Variants in ARHGAP32 observed in about 807,000 individuals in gnomAD.
The protein encoded by ARHGAP32 is rho GTPase-activating protein 32.
A neutral mutation model predicts 186.5 loss-of-function variants in ARHGAP32; 51 were observed. The ratio of observed to expected loss-of-function variants is 0.27; its 90% CI spans 0.22 to 0.35. The LOEUF is 0.35. Ranked by LOEUF, ARHGAP32 falls within the 10% of genes least tolerant of loss-of-function variation. The pLI is 1.00. For synonymous variants in ARHGAP32, 950 were observed against 964.3 expected, an observed-to-expected ratio of 0.99 and a Z score of 0.27; for missense variants, 2,186 against 2,623.5, an observed-to-expected ratio of 0.83 and a Z score of 3.64.
intron 2 of ARHGAP32, among the ~76,000 whole-genome samples, chr11:129,139,677 C>T (rs1055504808): frequency 6.6e-6 from 1 of 152,142 alleles, no homozygotes; most frequent in African/African-American, 2.4e-5. Flanking sequence ...TCTTTGCCTG[C>T]CGCCATCCAT....
At chr11:129,166,182 A>C (rs994341594) in intron 1 of ARHGAP32, among the ~76,000 whole-genome samples, 5 of 152,094 alleles carry the variant, frequency 3.3e-5, no homozygotes, top group African/African-American at 1.2e-4. Context: ...AGTAGAAAAT[A>C]TCCACATTGA....
chr11:129,205,128 A>C (rs1342638266), intron 1 of ARHGAP32, among the ~76,000 whole-genome samples: 1 of 152,186 alleles, frequency 6.6e-6, no homozygotes, highest in African/African-American at 2.4e-5. Flanking sequence ...TGAATGATGC[A>C]TAAATTAGGA....
intron 5 of ARHGAP32, among the ~76,000 whole-genome samples, chr11:129,107,500 T>C (rs1476503009): frequency 6.6e-6 from 1 of 152,242 alleles, no homozygotes; most frequent in African/African-American, 2.4e-5. Flanking sequence ...TAAATGTATG[T>C]TATTGGGCAC....
At chr11:128,979,840 G>A (rs900185643) in intron 18 of ARHGAP32, among the ~76,000 whole-genome samples, 3 of 152,170 alleles carry the variant, frequency 2.0e-5, no homozygotes, top group African/African-American at 7.2e-5. Context: ...ACATACATTA[G>A]TCTTCCTACT....
intron 1 of ARHGAP32, among the ~76,000 whole-genome samples, chr11:129,222,438 G>T (rs1338594241): frequency 6.6e-6 from 1 of 152,096 alleles, no homozygotes; most frequent in Non-Finnish European, 1.5e-5. Flanking sequence ...CAAAAGCTAT[G>T]CCCTGCTACA....
chr11:129,057,432 C>T (rs1010284708), intron 10 of ARHGAP32, among the ~76,000 whole-genome samples: 3 of 152,104 alleles, frequency 2.0e-5, no homozygotes, highest in Non-Finnish European at 4.4e-5. Flanking sequence ...GGTGGCTCAA[C>T]CAGCTTCTCC....
intron 11 of ARHGAP32, among the ~76,000 whole-genome samples, chr11:129,013,448 T>C (rs746647277): frequency 2.2e-4 from 34 of 152,338 alleles, no homozygotes; most frequent in African/African-American, 6.7e-4. Flanking sequence ...AGTCATAAAG[T>C]CTTACGTGAT....
chr11:129,090,498 C>CA (rs1490937400), intron 6 of ARHGAP32, among the ~76,000 whole-genome samples: 12 of 152,044 alleles, frequency 7.9e-5, no homozygotes. Flanking sequence ...GAATAGGAAC[C>CA]ATTAATATCA....
At chr11:129,017,221 C>T (rs551366937) in intron 11 of ARHGAP32, among the ~76,000 whole-genome samples, 1 of 152,044 alleles carries the variant, frequency 6.6e-6, no homozygotes, top group South Asian at 2.1e-4. Flanking sequence ...TTTGGGAGGC[C>T]AAGGCGGGCA....
At chr11:129,263,993 T>C (rs1319884607) in intron 1 of ARHGAP32, among the ~76,000 whole-genome samples, 2 of 152,132 alleles carry the variant, frequency 1.3e-5, no homozygotes, top group African/African-American at 4.8e-5. Flanking sequence ...AACTCAAGCA[T>C]CCACTGACAA....
At chr11:128,988,978 T>C (rs1015936119) in intron 12 of ARHGAP32, among the ~76,000 whole-genome samples, 1 of 152,234 alleles carries the variant, frequency 6.6e-6, no homozygotes, top group African/African-American at 2.4e-5. Context: ...ATAGGGTTAA[T>C]TAAAATCCTT....
intron 10 of ARHGAP32, among the ~76,000 whole-genome samples, chr11:129,055,028 T>C (rs770903696): frequency 2.6e-5 from 4 of 152,182 alleles, no homozygotes; most frequent in African/African-American, 4.8e-5. Context: ...TGGACCAAAA[T>C]AGTCTTAGAT....
intron 12 of ARHGAP32, among the ~76,000 whole-genome samples, chr11:128,994,357 A>G (rs573495218): frequency 1.1e-4 from 16 of 151,504 alleles, no homozygotes; most frequent in Admixed American, 9.9e-4. Context: ...GTTTCACCAT[A>G]TTGGGCAGGC....
chr11:129,245,102 T>G (rs1247673219), intron 1 of ARHGAP32, among the ~76,000 whole-genome samples: 5 of 150,750 alleles, frequency 3.3e-5, no homozygotes, highest in African/African-American at 4.9e-5. Flanking sequence ...TTACTGGGTA[T>G]ATACCCAAAG....
At position 129,263,320 on chromosome 11, in the gene ARHGAP32, G is replaced by T. The variant is rs1214400546; in HGVS notation, c.-5+15826C>A. ...ATCCACAGAATGGGAGAAAGTATTT[G>T]AAATTTTATACCTGTTAAAAGGACT... On this transcript the variant is annotated intron_variant, in intron 1 of 6. Coordinates refer to the ARHGAP32 transcript ENST00000525234. 2.6e-5 allele frequency among the ~76,000 whole-genome samples: 4 copies of T among 152,094 alleles called. No individual in the cohort carries two copies. In the East Asian group the frequency reaches 7.7e-4, roughly 29 times the overall value.
At chr11:129,087,488 T>C (rs1941441873) in intron 6 of ARHGAP32, among the ~76,000 whole-genome samples, 1 of 152,138 alleles carries the variant, frequency 6.6e-6, no homozygotes, top group African/African-American at 2.4e-5. Context: ...AAGAAGCCAA[T>C]CCAAATGGCT....
intron 1 of ARHGAP32, among the ~76,000 whole-genome samples, chr11:129,214,891 A>T (rs1445779942): frequency 6.6e-6 from 1 of 152,228 alleles, no homozygotes; most frequent in Non-Finnish European, 1.5e-5. Flanking sequence ...CACAGACAAT[A>T]GCAAATGCAT....
chr11:129,173,767 A>G (rs1018457565), intron 1 of ARHGAP32, among the ~76,000 whole-genome samples: 4 of 152,256 alleles, frequency 2.6e-5, no homozygotes, highest in Non-Finnish European at 4.4e-5. Context: ...AATTATTGAA[A>G]AACACAAATA....
At chr11:129,257,743 C>T (rs1375061232) in intron 1 of ARHGAP32, among the ~76,000 whole-genome samples, 1 of 140,468 alleles carries the variant, frequency 7.1e-6, no homozygotes, top group Non-Finnish European at 1.5e-5. Flanking sequence ...AAATCCTAAA[C>T]AGAGTACTTA....
Sources: gnomAD v4.1 joint callset for allele counts (sites outside exome capture counted in the v4.1 genomes callset) on GRCh38, gnomAD v4.1.1 for gene constraint, MANE v1.5 for transcripts, NCBI Gene and HGNC (gene_info 2026-07-23, HGNC 2026-07-21) for gene names.